The following TESPA1 variants were observed in gnomAD, a reference collection of about 807,000 sequenced individuals.
TESPA1 encodes the protein protein TESPA1.
In TESPA1, 33 loss-of-function variants were observed where a neutral mutation model predicts 57.9. The ratio of observed to expected loss-of-function variants is 0.57; its 90% CI spans 0.43 to 0.76. TESPA1 has a LOEUF of 0.76. TESPA1 is among the 30% of genes least tolerant of loss of function. TESPA1 has a pLI of 0.00. For synonymous variants in TESPA1, 227 were observed against 228.9 expected (o/e 0.99, Z 0.07); for missense variants, 618 against 632.9 (o/e 0.98, Z 0.25).
intron 10 of TESPA1, among the ~76,000 whole-genome samples, chr12:54,959,844 C>G (rs902284385): frequency 6.6e-6 from 1 of 152,132 alleles, no homozygotes; most frequent in African/African-American, 2.4e-5. Context: ...TCTGAAACTT[C>G]TTGAAGTGCA....
rs138705160 is a variant in TESPA1, at chr12:54,981,546, T to G, written c.-46+3039A>C. Reference sequence around the variant, plus strand: ...GTAACAAACCTGCACATTGTGCACGTGTACCCTAGAACTTAAAGTATAATA... The same window carrying G: ...GTAACAAACCTGCACATTGTGCACGGGTACCCTAGAACTTAAAGTATAATA... On this transcript the variant is annotated intron_variant, in intron 1 of 10. Transcript: ENST00000449076. 2.9e-3 allele frequency among the ~76,000 whole-genome samples: 435 copies of G among 151,688 alleles called. 2 individuals carry two copies. The highest frequency in any genetic ancestry group is 9.6e-3 in the African/African-American group (398 of 41,358).
intron 1 of TESPA1, among the ~76,000 whole-genome samples, chr12:54,975,868 C>T (rs1183274367): frequency 2.0e-5 from 3 of 152,038 alleles, no homozygotes; most frequent in Non-Finnish European, 4.4e-5. Flanking sequence ...GTTTTTAGTG[C>T]CTCTGCTTGT....
At chr12:54,960,905 C>T (rs1359740831) in intron 10 of TESPA1, among the ~76,000 whole-genome samples, 1 of 152,168 alleles carries the variant, frequency 6.6e-6, no homozygotes, top group African/African-American at 2.4e-5. Flanking sequence ...ACTCTGGGAG[C>T]TGGGATCTGG....
In TESPA1 at chr12:54,963,089, A is replaced by T. The variant is rs1951192258; in HGVS notation, c.809T>A (p.Leu270Gln). The T allele has an allele frequency of 6.2e-7, 1 of 1,613,854 alleles. No homozygotes were observed. Among genetic ancestry groups the T allele is most frequent in the African/African-American group, 1.3e-5 (1 of 74,918 alleles). ...HPTDVPSIRI[L>Q]SREPEPQSPR... ...TGACTGGGGTTCAGGCTCTCGGGAC[A>T]GAATCCTGATGGATGGCACATCAGT... is the stretch of plus-strand genomic sequence containing the variant. Residue 270 changes from leucine (L) to glutamine (Q), a missense_variant, in exon 9 of 11, where the codon CTG (leucine) becomes CAG (glutamine). Transcript: ENST00000449076.
At chr12:54,981,435 G>A (rs368626259) in intron 1 of TESPA1, among the ~76,000 whole-genome samples, 1 of 116,572 alleles carries the variant, frequency 8.6e-6, no homozygotes, top group African/African-American at 3.2e-5. Flanking sequence ...GTGGGGGGAG[G>A]GGGGAGAGAT....
At chr12:54,977,771 A>G (rs1952186239) in intron 1 of TESPA1, among the ~76,000 whole-genome samples, 1 of 152,234 alleles carries the variant, frequency 6.6e-6, no homozygotes, top group South Asian at 2.1e-4. Context: ...AGTCTTGAAG[A>G]AAAGACACAA....
intron 2 of TESPA1, 130 bp from the exon 3 acceptor site, chr12:54,973,649 T>C (rs896937908): frequency 1.3e-6 from 2 of 1,527,392 alleles, no homozygotes. Context: ...ACATAAAGCT[T>C]TTCTTTAAGA....
chr12:54,979,900 T>C (rs1346730184), intron 1 of TESPA1, among the ~76,000 whole-genome samples: 1 of 152,202 alleles, frequency 6.6e-6, no homozygotes, highest in Non-Finnish European at 1.5e-5. Context: ...CTGAAATGTA[T>C]AGAGTACTGC....
At chr12:54,960,020 T>C (rs1950979564) in intron 10 of TESPA1, among the ~76,000 whole-genome samples, 1 of 152,216 alleles carries the variant, frequency 6.6e-6, no homozygotes, top group Admixed American at 6.5e-5. Flanking sequence ...GTAAATATCT[T>C]TGTGTGTCTG....
At chr12:54,957,034 C>A (rs1421858718) in intron 10 of TESPA1, among the ~76,000 whole-genome samples, 2 of 152,172 alleles carry the variant, frequency 1.3e-5, no homozygotes, top group Admixed American at 1.3e-4. Context: ...TTCCAATATA[C>A]CAACTTTGCG....
intron 9 of TESPA1, 57 bp from the exon 10 acceptor site, chr12:54,961,324 A>G: frequency 6.2e-7 from 1 of 1,600,290 alleles, no homozygotes; most frequent in Middle Eastern, 1.7e-4. Flanking sequence ...GGGGTAAGGA[A>G]AGGTGCAGGT....
chr12:54,951,400 CCA>C (rs1950379824), intron 10 of TESPA1, among the ~76,000 whole-genome samples: 1 of 152,136 alleles, frequency 6.6e-6, no homozygotes, highest in African/African-American at 2.4e-5. Flanking sequence ...TTTTCTTTAC[CCA>C]CTCTCAGCTA....
In TESPA1 at chr12:54,962,959, G is replaced by T. The variant is rs200394316; in HGVS notation, c.939C>A (p.Asp313Glu). Residue 313 changes from aspartate to glutamate, a missense_variant, in exon 9 of 11, where the codon GAC becomes GAA. Physicochemically the swap from Asp to Glu is conservative, Grantham distance 45 (BLOSUM62 2). This residue lies in a region of TESPA1 where 409 missense variants were observed against 420.1 expected (regional missense o/e 0.97). Transcript: ENST00000449076. Reference sequence around the variant, plus strand: ...TGTCCATCACTTCCAACACAACTTGGTCCAAACTGTTCCTTTTGGGGGTGT... The same window carrying T: ...TGTCCATCACTTCCAACACAACTTGTTCCAAACTGTTCCTTTTGGGGGTGT... ...PHNTPKRNSL[D>E]QVVLEVMDKV... 1.1e-4 allele frequency: 178 copies of T among 1,613,420 alleles called. No individual in the cohort carries two copies. The highest frequency in any genetic ancestry group is 1.4e-4 in the Non-Finnish European group (165 of 1,179,838).
At chr12:54,960,175 A>G (rs1264983473) in intron 10 of TESPA1, among the ~76,000 whole-genome samples, 3 of 152,212 alleles carry the variant, frequency 2.0e-5, no homozygotes, top group Admixed American at 1.3e-4. Flanking sequence ...AATTTATACT[A>G]TCTGGGGAAA....
At chr12:54,961,360 C>A in intron 9 of TESPA1, 93 bp from the exon 10 acceptor site, 2 of 1,380,544 alleles carry the variant, frequency 1.4e-6, no homozygotes, top group East Asian at 4.6e-5. Context: ...GGGAAGGAGG[C>A]TGAGTGTACT....
intron 3 of TESPA1, among the ~76,000 whole-genome samples, chr12:54,969,809 A>G (rs2046688): frequency 0.36 from 55,481 of 152,140 alleles, 13,020 homozygotes; most frequent in East Asian, 0.92. Context: ...TACCCTTGGA[A>G]GCAGGATAGT....
At position 54,962,590 on chromosome 12, in the gene TESPA1, G is replaced by A. The variant is rs1276014614; in HGVS notation, c.1308C>T (p.Ser436=). Residue 436 remains serine, a synonymous_variant, in exon 9 of 11, where the codon AGC becomes AGT. Coordinates refer to ENST00000449076, the MANE Select transcript of TESPA1 (RefSeq NM_001136030.3). ...AKDETFWKRK[S]RARKSLFQKN... is the part of the protein sequence containing the mutation. ...TCTGGAAGAGGCTCTTTCTTGCTCTGCTCTTTCTTTTCCAGAAAGTCTCAT... is the reference window on the plus strand; with the variant it reads ...TCTGGAAGAGGCTCTTTCTTGCTCTACTCTTTCTTTTCCAGAAAGTCTCAT... 6.2e-7 allele frequency: 1 copy of A among 1,613,898 alleles called. No individual in the cohort carries two copies. The highest frequency in any genetic ancestry group is 1.7e-4 in the Middle Eastern group (1 of 6,054).
At position 54,963,058 on chromosome 12, in the gene TESPA1, TCTGGGTGA is replaced by T. The variant is rs1295357479; in HGVS notation, c.832_839del (p.Ser278ArgfsTer55). 6 of 1,613,830 alleles carry T rather than the reference TCTGGGTGA, an allele frequency of 3.7e-6. No homozygotes were observed. Among genetic ancestry groups the T allele is most frequent in the Non-Finnish European group, 5.1e-6 (6 of 1,179,890 alleles). ...TGGAGATGGCTTTCCGAAGGCGGTC[TCTGGGTGA>T]CTGGGGTTCAGGCTCTCGGGACAGA... On this transcript the variant is annotated frameshift_variant, in exon 9 of 11. Transcript: ENST00000449076. LOFTEE classifies it high-confidence loss of function.
chr12:54,974,925 G>A (rs994962991), intron 1 of TESPA1, among the ~76,000 whole-genome samples: 3 of 152,128 alleles, frequency 2.0e-5, no homozygotes, highest in Admixed American at 1.3e-4. Flanking sequence ...TGCTGTATTA[G>A]AAAACATTTT....
Sources: gnomAD v4.1 joint callset for allele counts (sites outside exome capture counted in the v4.1 genomes callset) on GRCh38, gnomAD v4.1.1 for gene constraint, gnomAD v4.1.1 regional missense constraint, MANE v1.5 for transcripts, NCBI Gene and HGNC (gene_info 2026-07-23, HGNC 2026-07-21) for gene names.